Variants in ITGAE observed in about 807,000 individuals in gnomAD.
ITGAE encodes integrin subunit alpha E.
A neutral mutation model predicts 136.5 loss-of-function variants in ITGAE; 99 were observed. The ratio of observed to expected loss-of-function variants is 0.73; its 90% CI spans 0.62 to 0.86. The LOEUF is 0.86. ITGAE is among the 40% of genes least tolerant of loss of function. The pLI is 0.00. For missense variants in ITGAE, 1,447 were observed against 1,515.3 expected, an observed-to-expected ratio of 0.95 and a Z score of 0.75; for synonymous variants, 613 against 591.8, an observed-to-expected ratio of 1.04 and a Z score of -0.52.
chr17:3,786,888 C>CAAAAAAAA (rs1268482931), intron 1 of ITGAE, among the ~76,000 whole-genome samples: 1 of 35,316 alleles, frequency 2.8e-5, no homozygotes, highest in Non-Finnish European at 6.3e-5. Flanking sequence ...GACTCCATCT[C>CAAAAAAAA]AAAAAAAAAA....
At chr17:3,722,778 C>T (rs538279804) in intron 28 of ITGAE, among the ~76,000 whole-genome samples, 2 of 152,300 alleles carry the variant, frequency 1.3e-5, no homozygotes, top group South Asian at 4.1e-4. Flanking sequence ...TCTAAGTGTG[C>T]TCAAGCATCA....
At chr17:3,759,985 C>T (rs2052125295) in intron 7 of ITGAE, among the ~76,000 whole-genome samples, 187 bp downstream of exon 7, 1 of 152,156 alleles carries the variant, frequency 6.6e-6, no homozygotes, top group Non-Finnish European at 1.5e-5. Flanking sequence ...CCATCCAGCC[C>T]CAGTCAAGCA....
At chr17:3,753,540 T>A in intron 13 of ITGAE, 110 bp from the exon 14 acceptor site, 5 of 1,365,864 alleles carry the variant, frequency 3.7e-6, no homozygotes, top group Non-Finnish European at 5.0e-6. Context: ...GGTCGTTACA[T>A]ATCAATTTGC....
At chr17:3,759,325 C>T (rs2052108178) in intron 8 of ITGAE, 77 bp downstream of exon 8, 3 of 1,540,144 alleles carry the variant, frequency 1.9e-6, no homozygotes, top group Non-Finnish European at 2.7e-6. Context: ...GCGGTTCTGG[C>T]CAGCCACTTC....
chr17:3,762,874 CA>C (rs2052209631), intron 3 of ITGAE, among the ~76,000 whole-genome samples: 1 of 150,904 alleles, frequency 6.6e-6, no homozygotes, highest in Admixed American at 6.6e-5. Flanking sequence ...GTTGGGATTA[CA>C]GGCATGAGCC....
intron 20 of ITGAE, 89 bp from the exon 21 acceptor site, chr17:3,735,038 C>T (rs919670968): frequency 1.0e-5 from 15 of 1,474,362 alleles, no homozygotes; most frequent in South Asian, 4.8e-5. Flanking sequence ...GAGGCTAGAG[C>T]GTGGTGCTGT....
At chr17:3,744,047 G>T (rs569146679) in intron 18 of ITGAE, among the ~76,000 whole-genome samples, 7 of 148,284 alleles carry the variant, frequency 4.7e-5, no homozygotes, top group African/African-American at 1.2e-4. Context: ...CACTCACTCT[G>T]TCACCCAGTC....
At chr17:3,779,739 G>T (rs1251533076) in intron 1 of ITGAE, among the ~76,000 whole-genome samples, 1 of 152,172 alleles carries the variant, frequency 6.6e-6, no homozygotes, top group African/African-American at 2.4e-5. Context: ...AAATTTAAGT[G>T]TAGTGATGTG....
intron 1 of ITGAE, among the ~76,000 whole-genome samples, chr17:3,796,583 C>G (rs2053110233): frequency 6.6e-6 from 1 of 152,114 alleles, no homozygotes; most frequent in South Asian, 2.1e-4. Flanking sequence ...CAGGCGAGGG[C>G]TGGCCCTCCC....
chr17:3,719,234 T>TAAAAAAAAAAAAAAAAAAA (rs2050999265), intron 29 of ITGAE, among the ~76,000 whole-genome samples: 2 of 34,826 alleles, frequency 5.7e-5, no homozygotes, highest in African/African-American at 1.2e-4. Flanking sequence ...AGATTCTTCC[T>TAAAAAAAAAAAAAAAAAAA]CAAAAAAAAA....
chr17:3,781,600 G>A (rs1355195445), intron 1 of ITGAE, among the ~76,000 whole-genome samples: 4 of 151,758 alleles, frequency 2.6e-5, no homozygotes, highest in East Asian at 3.9e-4. Context: ...CAGGTGATCC[G>A]CCCGCCTCAG....
At chr17:3,749,835 G>A (rs953145106) in intron 16 of ITGAE, among the ~76,000 whole-genome samples, 4 of 151,992 alleles carry the variant, frequency 2.6e-5, no homozygotes, top group Non-Finnish European at 5.9e-5. Flanking sequence ...GGCCAACATG[G>A]TGAAACCCTG....
intron 26 of ITGAE, chr17:3,725,490 G>C (rs756399316): frequency 1.2e-6 from 2 of 1,614,218 alleles, no homozygotes; most frequent in Non-Finnish European, 1.7e-6. Context: ...TGAAGGACCA[G>C]ATTTAGTCAA....
chr17:3,742,455 G>GT (rs1567525320), intron 19 of ITGAE, among the ~76,000 whole-genome samples: 18 of 92,792 alleles, frequency 1.9e-4, no homozygotes, highest in African/African-American at 1.5e-3. Flanking sequence ...GAAGGTTTGT[G>GT]GTTTTTTTTT....
At position 3,734,894 on chromosome 17, in the gene ITGAE, T is replaced by G. The variant is rs756806043; in HGVS notation, c.2578A>C (p.Asn860His). ...GTCATGTAGGAATCTTCCCCGGAGT[T>G]AGTTAGGTTAATGTTCAGGGTCAGC... ...KELTLNINLTNSGEDSYMTSM... is the reference protein window; with the variant it reads ...KELTLNINLTHSGEDSYMTSM... The change falls in exon 21 of 31, where the codon AAC (asparagine) becomes CAC (histidine). Residue 860 changes from asparagine to histidine, a missense_variant. Physicochemically the swap from Asn to His is moderately conservative, Grantham distance 68. Coordinates refer to ENST00000263087, the MANE Select transcript of ITGAE (RefSeq NM_002208.5). The G allele has an allele frequency of 1.2e-6, 2 of 1,614,210 alleles. No individual in the cohort carries two copies. The highest frequency in any genetic ancestry group is 1.1e-5 in the South Asian group (1 of 91,076).
intron 26 of ITGAE, 83 bp from the exon 27 acceptor site, chr17:3,723,827 G>GGTGCGC: frequency 1.3e-6 from 2 of 1,557,352 alleles, no homozygotes; most frequent in Non-Finnish European, 1.7e-6. Flanking sequence ...GCCCTGGCGA[G>GGTGCGC]GTGCGCATGC....
intron 20 of ITGAE, among the ~76,000 whole-genome samples, chr17:3,735,258 C>T (rs1260887104): frequency 6.6e-6 from 1 of 152,216 alleles, no homozygotes; most frequent in Non-Finnish European, 1.5e-5. Context: ...ACCTCCACCT[C>T]CCAGGTTCAA....
At chr17:3,766,776 TGG>T (rs1336016867) in intron 2 of ITGAE, among the ~76,000 whole-genome samples, 13 of 149,176 alleles carry the variant, frequency 8.7e-5, no homozygotes, top group African/African-American at 3.2e-4. Context: ...CACTCCAGCC[TGG>T]GTGAAAGAGT....
At chr17:3,796,297 G>A (rs1025973725) in intron 1 of ITGAE, among the ~76,000 whole-genome samples, 5 of 152,066 alleles carry the variant, frequency 3.3e-5, no homozygotes, top group African/African-American at 1.2e-4. Flanking sequence ...ACTCGCCCCA[G>A]GCCCAACAGT....
Sources: gnomAD v4.1 joint callset for allele counts (sites outside exome capture counted in the v4.1 genomes callset) on GRCh38, gnomAD v4.1.1 for gene constraint, MANE v1.5 for transcripts, NCBI Gene and HGNC (gene_info 2026-07-23, HGNC 2026-07-21) for gene names.